Variants in PIAS2 observed in about 807,000 individuals in gnomAD.
The protein encoded by PIAS2 is protein inhibitor of activated STAT 2.
A neutral mutation model predicts 69.7 loss-of-function variants in PIAS2; 19 were observed. The observed-to-expected ratio is 0.27, with a 90% confidence interval of 0.19 to 0.40. The LOEUF (loss-of-function observed/expected upper bound fraction) is 0.40. Among genes scored for constraint, PIAS2 ranks in the 10% least tolerant of loss-of-function variants. The probability of loss-of-function intolerance (pLI) is 1.00; values close to 1 mark genes in which losing one functional copy is unlikely to be tolerated. For synonymous variants in PIAS2, 261 were observed against 263.2 expected, an observed-to-expected ratio of 0.99 and a Z score of 0.08; for missense variants, 624 against 757.0, an observed-to-expected ratio of 0.82 and a Z score of 2.06.
chr18:46,873,596 A>C (rs1233652185), intron 2 of PIAS2, among the ~76,000 whole-genome samples: 1 of 152,228 alleles, frequency 6.6e-6, no homozygotes, highest in Non-Finnish European at 1.5e-5. Flanking sequence ...CCAAGAAGGG[A>C]ATATTTATAC....
chr18:46,885,300 C>A (rs536723605), intron 2 of PIAS2, among the ~76,000 whole-genome samples: 1 of 151,992 alleles, frequency 6.6e-6, no homozygotes, highest in Non-Finnish European at 1.5e-5. Context: ...GGGCAGACCA[C>A]GAGGTCAGGA....
At position 46,870,615 on chromosome 18, in the gene PIAS2, CAAAAAAAAAAAAAAAAA is replaced by C. The variant is rs58099640; in HGVS notation, c.500-6384_500-6368del. On this transcript the variant is annotated intron_variant, in intron 2 of 13. Transcript: ENST00000585916. Reference sequence around the variant, plus strand: ...TGGGCAACAGAGCAAGACTCCGTCTCAAAAAAAAAAAAAAAAAAAAAAAAAAAAAGGAACTCGAGTCA... The same window carrying C: ...TGGGCAACAGAGCAAGACTCCGTCTCAAAAAAAAAAAAGGAACTCGAGTCA... Among the ~76,000 whole-genome samples, 16 of 54,934 alleles carry C rather than the reference CAAAAAAAAAAAAAAAAA, an allele frequency of 2.9e-4. No homozygotes were observed. The East Asian group carries it at 9.8e-3, about 34-fold the overall frequency. 36.0% of individuals were successfully genotyped at this position (54,934 alleles called of 152,430 possible). A position where few individuals can be genotyped will look rare whatever the true frequency, so the allele number is the denominator to read the frequency against.
At chr18:46,893,219 C>T (rs777863235) in intron 1 of PIAS2, among the ~76,000 whole-genome samples, 6 of 152,190 alleles carry the variant, frequency 3.9e-5, no homozygotes, top group Non-Finnish European at 7.3e-5. Flanking sequence ...GCAAGTAATA[C>T]GATGCATCTT....
intron 2 of PIAS2, among the ~76,000 whole-genome samples, chr18:46,885,389 G>A (rs369379045): frequency 7.2e-5 from 11 of 151,734 alleles, no homozygotes; most frequent in South Asian, 2.1e-4. Flanking sequence ...GCGTGGTGGC[G>A]GGTGCCTGTA....
rs148283417 is a variant in PIAS2, at chr18:46,877,583, C to T, written c.499+12997G>A. ...TGACATGCCCAAACACGTCTTGTAC[C>T]GTAACAAACAGCCTCCCCCTTCCTA... is the stretch of plus-strand genomic sequence containing the variant. On this transcript the variant is annotated intron_variant, in intron 2 of 13. Transcript: ENST00000585916. Among the ~76,000 whole-genome samples the T allele has an allele frequency of 8.9e-3, 1,351 of 152,252 alleles. 9 individuals carry two copies. The highest frequency in any genetic ancestry group is 0.013 in the Non-Finnish European group (897 of 68,024).
At position 46,830,772 on chromosome 18, in the gene PIAS2, G is replaced by A. The variant is rs184379731; in HGVS notation, c.1203-905C>T. Among the ~76,000 whole-genome samples the A allele has an allele frequency of 2.5e-3, 382 of 152,140 alleles. 2 individuals are homozygous for A. Among genetic ancestry groups the A allele is most frequent in the African/African-American group, 8.8e-3 (367 of 41,530 alleles). On this transcript the variant is annotated intron_variant, in intron 9 of 13. Transcript: ENST00000585916. ...AAACTTTGCCACAAAGAAAATCCTA[G>A]GCCCAATGTCTTCTCTAGGGAATTC...
chr18:46,870,260 A>G lies in PIAS2; in HGVS notation c.500-6012T>C, dbSNP rs1380292619. On this transcript the variant is annotated intron_variant, in intron 2 of 13. Transcript: ENST00000585916. ...TCCCCTTGAGGGAAGTGCCCCTTGG[A>G]GGAGAAGGAATCGGCTTTGTAAATG... Among the ~76,000 whole-genome samples, 3 of 151,970 alleles carry G rather than the reference A, an allele frequency of 2.0e-5. No individual in the cohort carries two copies. In the East Asian group the frequency reaches 5.8e-4, roughly 29 times the overall value.
intron 13 of PIAS2, among the ~76,000 whole-genome samples, chr18:46,813,495 A>G (rs775241243): frequency 7.9e-5 from 12 of 152,234 alleles, no homozygotes; most frequent in Non-Finnish European, 1.8e-4. Flanking sequence ...TAGTAAAACA[A>G]GAGGTCTAGT....
chr18:46,846,722 T>G lies in PIAS2; in HGVS notation c.846A>C (p.Ala282=). Residue 282 remains alanine (A), a synonymous_variant, in exon 6 of 14, where the codon GCA becomes GCC. Transcript: ENST00000585916. ...GAGCTTTTACCTTCCCAATTTCTGA[T>G]GCCCAAGAAATGGAAATTTGGTTTG... ...AVPNQISISW[A]SEIGKNYSMS... 6.2e-7 allele frequency: 1 copy of G among 1,612,036 alleles called. No individual in the cohort carries two copies. Among genetic ancestry groups the G allele is most frequent in the East Asian group, 2.2e-5 (1 of 44,828 alleles).
intron 2 of PIAS2, among the ~76,000 whole-genome samples, chr18:46,889,578 A>T (rs1244296477): frequency 6.6e-6 from 1 of 152,154 alleles, no homozygotes; most frequent in Non-Finnish European, 1.5e-5. Flanking sequence ...AAGGAAAATA[A>T]AAGTGTTGTT....
intron 3 of PIAS2, among the ~76,000 whole-genome samples, chr18:46,860,512 C>A (rs890432532): frequency 1.3e-5 from 2 of 152,206 alleles, no homozygotes; most frequent in African/African-American, 2.4e-5. Context: ...AATTAAAGAG[C>A]GCTCAAAGTG....
At chr18:46,866,877 G>A (rs757067649) in intron 2 of PIAS2, among the ~76,000 whole-genome samples, 9 of 152,180 alleles carry the variant, frequency 5.9e-5, no homozygotes, top group Non-Finnish European at 1.0e-4. Context: ...ATCTACACCT[G>A]TAAAGTTGGG....
chr18:46,919,997 A>C (rs528298792), upstream of PIAS2: 1 of 1,158,954 alleles, frequency 8.6e-7, no homozygotes, highest in Non-Finnish European at 1.2e-6. Context: ...TACACCCATA[A>C]AGAGGACCAA....
Position 46,864,247 on chromosome 18 carries a change from A to G in PIAS2, c.501T>C (p.Val167=), listed in dbSNP as rs2049083228. The G allele has an allele frequency of 6.4e-7, 1 of 1,566,632 alleles. No individual in the cohort carries two copies. The highest frequency in any genetic ancestry group is 8.6e-7 in the Non-Finnish European group (1 of 1,157,530). Residue 167 remains valine (V), a splice_region_variant and synonymous_variant, in exon 3 of 14, where the codon GTT becomes GTC. Coordinates refer to ENST00000585916, the MANE Select transcript of PIAS2 (RefSeq NM_004671.5). ...LDVLIKPTSL[V]QSSIQRFQEK... is the part of the protein sequence containing the mutation. ...CTTGAAATCGCTGAATACTGCTTTG[A>G]ACTGGGAAGAAAAAAAAAAAGAAAG...
chr18:46,858,086 A>G (rs2048103152), intron 3 of PIAS2, among the ~76,000 whole-genome samples: 3 of 152,206 alleles, frequency 2.0e-5, no homozygotes. Context: ...TGACTCAAGA[A>G]GTTTGCCAGG....
chr18:46,878,163 T>C (rs2051563546), intron 2 of PIAS2, among the ~76,000 whole-genome samples: 2 of 152,194 alleles, frequency 1.3e-5, no homozygotes, highest in Non-Finnish European at 2.9e-5. Context: ...CCAAGTTATT[T>C]AGGAAATTTA....
chr18:46,853,917 CT>C (rs1340703723), intron 5 of PIAS2: 1 of 152,306 alleles, frequency 6.6e-6, no homozygotes, highest in Non-Finnish European at 1.5e-5. Flanking sequence ...GCAATCCCCC[CT>C]GACCATACCT....
chr18:46,832,209 G>T (rs566565596), intron 9 of PIAS2, among the ~76,000 whole-genome samples: 34 of 152,108 alleles, frequency 2.2e-4, no homozygotes, highest in Non-Finnish European at 4.1e-4. Flanking sequence ...GAGGTCGGGA[G>T]TTCGAGACCA....
At chr18:46,888,809 G>A (rs1488179972) in intron 2 of PIAS2, among the ~76,000 whole-genome samples, 3 of 152,082 alleles carry the variant, frequency 2.0e-5, no homozygotes, top group African/African-American at 7.2e-5. Flanking sequence ...TCGAATTCCT[G>A]CTGCTCACCT....
Sources: allele counts gnomAD v4.1 joint callset (sites outside exome capture counted in the v4.1 genomes callset), GRCh38; gene constraint gnomAD v4.1.1; transcripts MANE v1.5; gene names NCBI Gene and HGNC (gene_info 2026-07-23, HGNC 2026-07-21).